TANC2: variants seen among roughly 807,000 people sequenced by gnomAD.
TANC2 encodes the protein tetratricopeptide repeat, ankyrin repeat and coiled-coil containing 2.
In TANC2, 26 loss-of-function variants were observed where a neutral mutation model predicts 210.5. The observed-to-expected ratio is 0.12, with a 90% CI of 0.09 to 0.17. TANC2 has a LOEUF of 0.17. Among genes scored for constraint, TANC2 ranks in the 10% least tolerant of loss-of-function variants. The probability of loss-of-function intolerance (pLI) is 1.00; values close to 1 mark genes in which losing one functional copy is unlikely to be tolerated. For missense variants in TANC2, 2,129 were observed against 2,608.9 expected (o/e 0.82, Z 4.01); for synonymous variants, 931 against 967.1 (o/e 0.96, Z 0.69).
At chr17:63,088,817 C>G (rs1568375028) in intron 3 of TANC2, 1 of 152,148 alleles carries the variant, frequency 6.6e-6, no homozygotes. Flanking sequence ...CAAAGGGTTT[C>G]TTTTCATTTT....
chr17:63,023,762 A>G (rs1431736516), intron 2 of TANC2, among the ~76,000 whole-genome samples: 1 of 152,226 alleles, frequency 6.6e-6, no homozygotes, highest in Admixed American at 6.5e-5. Flanking sequence ...ATGTGGCCTT[A>G]TAACAGAAAA....
rs146422395 is a variant in TANC2, at chr17:63,000,770, A to G, written c.-23-8767A>G. ...GCAGGGTAAAATTTAGATTTACATT[A>G]GTGTCAATTAGACCAAACTGCCTTC... On this transcript the variant is annotated intron_variant, in intron 1 of 27. Transcript: ENST00000689528. Among the ~76,000 whole-genome samples, 1,458 of 152,294 alleles carry G rather than the reference A, an allele frequency of 9.6e-3. 5 individuals are homozygous for G. The highest frequency in any genetic ancestry group is 0.02 in the Middle Eastern group (6 of 294).
intron 5 of TANC2, among the ~76,000 whole-genome samples, chr17:63,179,710 A>G (rs930099756): frequency 6.6e-6 from 1 of 152,002 alleles, no homozygotes; most frequent in Non-Finnish European, 1.5e-5. Flanking sequence ...CCCTGACTCT[A>G]CTGTTCAATG....
In TANC2 at chr17:63,420,441, C is replaced by T. The variant is rs1184957074; in HGVS notation, c.4711C>T (p.Pro1571Ser). The T allele has an allele frequency of 5.6e-6, 9 of 1,613,874 alleles. No homozygotes were observed. The highest frequency in any genetic ancestry group is 1.7e-5 in the Admixed American group (1 of 60,014). ...TAGACAGACCTATCAGTCCACCTCA[C>T]CTGCCCTTTCTCCAACTCATCAGAA... The change falls in exon 28 of 28, where the codon CCT (proline) becomes TCT (serine). Residue 1571 changes from proline to serine, a missense_variant. Coordinates refer to ENST00000689528, the Ensembl canonical transcript of TANC2. The surrounding 1 kb of genome is among the most constrained non-coding windows in gnomAD (Gnocchi z 4.2).
At chr17:63,317,606 T>C (rs1000839294) in intron 10 of TANC2, among the ~76,000 whole-genome samples, 20 of 152,350 alleles carry the variant, frequency 1.3e-4, no homozygotes, top group Non-Finnish European at 2.6e-4. Flanking sequence ...AAAGTCTCAA[T>C]GTAGTTATTA....
At chr17:63,253,348 G>A (rs535542916) in intron 8 of TANC2, among the ~76,000 whole-genome samples, 4 of 152,042 alleles carry the variant, frequency 2.6e-5, no homozygotes, top group Non-Finnish European at 5.9e-5. Context: ...TTAATCCCTT[G>A]ACAGATGGAT....
intron 2 of TANC2, among the ~76,000 whole-genome samples, chr17:63,025,570 C>T (rs1357599508): frequency 6.6e-6 from 1 of 151,764 alleles, no homozygotes; most frequent in Non-Finnish European, 1.5e-5. Flanking sequence ...CTGAGGTGGG[C>T]GGATCACATG....
chr17:63,229,104 C>A (rs1485898334), intron 7 of TANC2, among the ~76,000 whole-genome samples: 3 of 152,230 alleles, frequency 2.0e-5, no homozygotes, highest in African/African-American at 4.8e-5. Flanking sequence ...TATGTTCCAT[C>A]AATAGCTAGT....
chr17:63,169,233 AT>A (rs1165019272), intron 5 of TANC2, among the ~76,000 whole-genome samples: 2 of 152,188 alleles, frequency 1.3e-5, no homozygotes, highest in Middle Eastern at 3.2e-3. Context: ...TAGTCCTCTA[AT>A]GCTCACCTTT....
chr17:63,330,525 A>G (rs989469488), intron 11 of TANC2, among the ~76,000 whole-genome samples: 2 of 152,244 alleles, frequency 1.3e-5, no homozygotes, highest in African/African-American at 4.8e-5. Context: ...AAAGGTGACC[A>G]TACCAATTTA....
At chr17:63,302,182 G>A (rs1006508138) in intron 9 of TANC2, among the ~76,000 whole-genome samples, 1 of 152,204 alleles carries the variant, frequency 6.6e-6, no homozygotes, top group Non-Finnish European at 1.5e-5. Context: ...TTGCTGAGGA[G>A]TGTTTTACTT....
At chr17:63,075,056 A>G (rs2036523764) in intron 3 of TANC2, among the ~76,000 whole-genome samples, 1 of 152,170 alleles carries the variant, frequency 6.6e-6, no homozygotes, top group South Asian at 2.1e-4. Context: ...ATATGAGTTG[A>G]AAATTTTAAC....
rs777704212 is a variant in TANC2 at position 63,194,010 on chromosome 17, T to G, written c.453T>G (p.Leu151=). The G allele has an allele frequency of 8.7e-6, 14 of 1,613,102 alleles. No individual in the cohort carries two copies. The Admixed American group carries it at 1.5e-4, about 17-fold the overall frequency. The change falls in exon 6 of 28, where the codon CTT becomes CTG. Residue 151 remains leucine, a synonymous_variant. Coordinates refer to ENST00000689528, the Ensembl canonical transcript of TANC2. ...TTACAGGTGATGCTGAACAGGAGCTTGGCCCCCCTCCATCTGTAGATGAGG... is the reference window on the plus strand; with the variant it reads ...TTACAGGTGATGCTGAACAGGAGCTGGGCCCCCCTCCATCTGTAGATGAGG...
At chr17:63,083,052 C>T (rs768486782) in intron 3 of TANC2, among the ~76,000 whole-genome samples, 1 of 152,162 alleles carries the variant, frequency 6.6e-6, no homozygotes, top group African/African-American at 2.4e-5. Flanking sequence ...CAGTATAGAA[C>T]AGTACCTCTG....
At position 63,247,129 on chromosome 17, in the gene TANC2, G is replaced by C. The variant is rs528072970; in HGVS notation, c.1033+9052G>C. Among the ~76,000 whole-genome samples, 19 of 152,120 alleles carry C rather than the reference G, an allele frequency of 1.2e-4. No homozygotes were observed. The South Asian group carries it at 3.9e-3, about 32-fold the overall frequency. ...AAACTTTAGCACATTTTCATATTGGGTTATTTTCTTTGGATTTGTACGAAC... is the reference window on the plus strand; with the variant it reads ...AAACTTTAGCACATTTTCATATTGGCTTATTTTCTTTGGATTTGTACGAAC... On this transcript the variant is annotated intron_variant, in intron 8 of 27. Coordinates refer to ENST00000689528, the Ensembl canonical transcript of TANC2.
At chr17:63,409,453 TG>T (rs1361898540) in intron 21 of TANC2, among the ~76,000 whole-genome samples, 1 of 152,216 alleles carries the variant, frequency 6.6e-6, no homozygotes, top group Non-Finnish European at 1.5e-5. Flanking sequence ...CCAAAAGTGC[TG>T]GGATTATAGG....
At position 63,289,546 on chromosome 17, in the gene TANC2, G is replaced by A. The variant is rs538079315; in HGVS notation, c.1159+21673G>A. Among the ~76,000 whole-genome samples, 615 of 151,812 alleles carry A rather than the reference G, an allele frequency of 4.1e-3. 5 individuals carry two copies. The highest frequency in any genetic ancestry group is 0.014 in the African/African-American group (596 of 41,414). On this transcript the variant is annotated intron_variant, in intron 9 of 27. Transcript: ENST00000689528. ...TTTTAATCTCTAGCATTTCTTTTTGGTTCTTCCTTAGGATTTCCATCTCTT... is the reference window on the plus strand; with the variant it reads ...TTTTAATCTCTAGCATTTCTTTTTGATTCTTCCTTAGGATTTCCATCTCTT...
At chr17:62,982,920 G>A (rs192339768) in intron 1 of TANC2, among the ~76,000 whole-genome samples, 1 of 152,028 alleles carries the variant, frequency 6.6e-6, no homozygotes, top group African/African-American at 2.4e-5. Context: ...CGTTCTTTTT[G>A]CTCAGAATTG....
rs1255977563 is a variant in TANC2 at position 63,025,796 on chromosome 17, AAAAATAAAAT to A, written c.67+16181_67+16190del. ...GGGTGACAGAGTGAGACCCTATCTC[AAAAATAAAAT>A]AAAATAAAATTAAATTAAAATAAAA... On this transcript the variant is annotated intron_variant, in intron 2 of 27. Coordinates refer to ENST00000689528, the Ensembl canonical transcript of TANC2. Among the ~76,000 whole-genome samples the A allele has an allele frequency of 1.3e-3, 187 of 139,218 alleles. 1 individual carries two copies. Among genetic ancestry groups the A allele is most frequent in the African/African-American group, 5.0e-3 (170 of 33,794 alleles). The allele number at this position is 139,218 out of a possible 152,430, so 91.3% of individuals were successfully genotyped here. A position where few individuals can be genotyped will look rare whatever the true frequency, so the allele number is the denominator to read the frequency against.
Sources: allele counts gnomAD v4.1 joint callset (sites outside exome capture counted in the v4.1 genomes callset), GRCh38; gene constraint gnomAD v4.1.1; non-coding constraint Gnocchi (gnomAD v3.1); transcripts MANE v1.5; gene names NCBI Gene and HGNC (gene_info 2026-07-23, HGNC 2026-07-21).